The following SPATA17 variants were observed in gnomAD, a reference collection of about 807,000 sequenced individuals.
The protein encoded by SPATA17 is spermatogenesis associated 17.
Under a neutral mutation model 62.2 loss-of-function variants are expected in SPATA17, and 53 were observed. The ratio of observed to expected loss-of-function variants is 0.85; its 90% CI spans 0.68 to 1.07. The LOEUF (loss-of-function observed/expected upper bound fraction) is 1.07. Ranked by LOEUF, SPATA17 falls within the 50% of genes least tolerant of loss-of-function variation. The probability of loss-of-function intolerance (pLI) is 0.00; values close to 1 mark genes in which losing one functional copy is unlikely to be tolerated. For synonymous variants in SPATA17, 146 were observed against 146.8 expected (o/e 0.99, Z 0.04); for missense variants, 466 against 425.5 (o/e 1.10, Z -0.84).
chr1:217,701,097 G>C (rs61827797), intron 5 of SPATA17, among the ~76,000 whole-genome samples: 38,041 of 150,788 alleles, frequency 0.25, 5,243 homozygotes, highest in African/African-American at 0.36. Flanking sequence ...GTCTTAGCCT[G>C]CCGAGTAGCT....
chr1:217,706,094 C>A (rs755629080), intron 5 of SPATA17, among the ~76,000 whole-genome samples: 3 of 152,146 alleles, frequency 2.0e-5, no homozygotes, highest in African/African-American at 7.2e-5. Context: ...CACTACCATG[C>A]TGTTTTGGTT....
At chr1:217,660,435 G>A (rs567038952) in intron 3 of SPATA17, among the ~76,000 whole-genome samples, 6 of 152,214 alleles carry the variant, frequency 3.9e-5, no homozygotes, top group African/African-American at 4.8e-5. Flanking sequence ...TGATTCACAG[G>A]GATACAAGTT....
At position 217,811,316 on chromosome 1, in the gene SPATA17, C is replaced by T. The variant is rs942653886; in HGVS notation, c.1005+9466C>T. ...GTGCTGGGATTACAGGCGTGAGCCA[C>T]CACACCCAGAGATTGTAGGTATTCT... On this transcript the variant is annotated intron_variant, in intron 9 of 10. Coordinates refer to ENST00000366933, the MANE Select transcript of SPATA17 (RefSeq NM_138796.4). Among the ~76,000 whole-genome samples the T allele has an allele frequency of 3.3e-5, 5 of 152,282 alleles. 1 individual carries two copies.
chr1:217,839,940 A>G (rs1189839493), intron 9 of SPATA17, among the ~76,000 whole-genome samples: 1 of 152,142 alleles, frequency 6.6e-6, no homozygotes, highest in African/African-American at 2.4e-5. Flanking sequence ...ATAGATTTCC[A>G]GTGAAGTTGC....
At chr1:217,639,748 G>T (rs1006592629) in intron 1 of SPATA17, among the ~76,000 whole-genome samples, 3 of 152,052 alleles carry the variant, frequency 2.0e-5, no homozygotes, top group Admixed American at 6.6e-5. Context: ...CAATAGTCTT[G>T]CTATAATAAT....
chr1:217,858,745 T>C (rs995570199), intron 9 of SPATA17, among the ~76,000 whole-genome samples: 3 of 152,062 alleles, frequency 2.0e-5, no homozygotes, highest in South Asian at 4.1e-4. Context: ...AAAATAAAAT[T>C]ATAGCCGGGC....
intron 5 of SPATA17, among the ~76,000 whole-genome samples, chr1:217,714,896 A>C (rs189264414): frequency 1.3e-5 from 2 of 152,302 alleles, no homozygotes; most frequent in African/African-American, 4.8e-5. Flanking sequence ...TCTGCATTTG[A>C]TGAGGAATTA....
At chr1:217,808,951 A>G (rs1041384018) in intron 9 of SPATA17, among the ~76,000 whole-genome samples, 6 of 152,154 alleles carry the variant, frequency 3.9e-5, no homozygotes, top group Admixed American at 1.3e-4. Flanking sequence ...TGCCTGCAAC[A>G]TAAAGGGAAA....
At chr1:217,739,596 T>C (rs1672582560) in intron 5 of SPATA17, 1 of 152,146 alleles carries the variant, frequency 6.6e-6, no homozygotes, top group South Asian at 2.1e-4. Context: ...ATAGGTAATT[T>C]TTATAATTTT....
chr1:217,701,780 T>C (rs1159340412), intron 5 of SPATA17, among the ~76,000 whole-genome samples: 3 of 152,182 alleles, frequency 2.0e-5, no homozygotes, highest in African/African-American at 7.2e-5. Context: ...CATCTATTAT[T>C]TTCTTTATAC....
intron 5 of SPATA17, among the ~76,000 whole-genome samples, chr1:217,730,467 C>T (rs759070723): frequency 2.6e-5 from 4 of 152,022 alleles, no homozygotes; most frequent in Non-Finnish European, 5.9e-5. Context: ...TCTATCTATA[C>T]ACCTTGGCCT....
At chr1:217,772,463 A>C (rs2102970796) in intron 6 of SPATA17, among the ~76,000 whole-genome samples, 1 of 152,332 alleles carries the variant, frequency 6.6e-6, no homozygotes, top group Non-Finnish European at 1.5e-5. Context: ...AAAAATAGAA[A>C]AATTTGAGTT....
At chr1:217,866,415 C>T (rs2103018418) in intron 10 of SPATA17, 1 of 152,238 alleles carries the variant, frequency 6.6e-6, no homozygotes, top group Non-Finnish European at 1.5e-5. Context: ...TCTAGTGGCA[C>T]ACATAATCAA....
chr1:217,730,400 A>G (rs1672377197), intron 5 of SPATA17, among the ~76,000 whole-genome samples: 1 of 151,978 alleles, frequency 6.6e-6, no homozygotes, highest in Non-Finnish European at 1.5e-5. Context: ...TATTTTTAGT[A>G]GAGACAGGGT....
At chr1:217,721,419 C>A (rs907476341) in intron 5 of SPATA17, among the ~76,000 whole-genome samples, 1 of 152,112 alleles carries the variant, frequency 6.6e-6, no homozygotes, top group South Asian at 2.1e-4. Flanking sequence ...AGGAGTTCTG[C>A]TGGCATCTGC....
rs374090994 is a variant in SPATA17 at position 217,663,724 on chromosome 1, GT to G, written c.241-5307del. 2.9e-4 allele frequency among the ~76,000 whole-genome samples: 44 copies of G among 152,044 alleles called. 1 individual carries two copies. In the East Asian group the frequency reaches 8.5e-3, roughly 29 times the overall value. ...TTTTTCAATCTAGCAAATGATGCCA[GT>G]TGATCTCATCGTGTCATCTAGATAA... is the stretch of plus-strand genomic sequence containing the variant. On this transcript the variant is annotated intron_variant, in intron 3 of 10. Coordinates refer to ENST00000366933, the MANE Select transcript of SPATA17 (RefSeq NM_138796.4).
At chr1:217,854,899 T>A (rs1675746785) in intron 9 of SPATA17, among the ~76,000 whole-genome samples, 1 of 152,182 alleles carries the variant, frequency 6.6e-6, no homozygotes, top group South Asian at 2.1e-4. Flanking sequence ...ATTTAGTCAT[T>A]CTTTCAGCTA....
chr1:217,701,138 C>T (rs554998105), intron 5 of SPATA17, among the ~76,000 whole-genome samples: 1 of 148,448 alleles, frequency 6.7e-6, no homozygotes, highest in South Asian at 2.2e-4. Context: ...CCACGCCTAG[C>T]TAGTTTTTGT....
intron 9 of SPATA17, among the ~76,000 whole-genome samples, chr1:217,819,495 C>T (rs1273777968): frequency 6.6e-6 from 1 of 151,910 alleles, no homozygotes; most frequent in Non-Finnish European, 1.5e-5. Context: ...ATGCCATGAA[C>T]TATCAAGTCA....
Sources: allele counts gnomAD v4.1 joint callset (sites outside exome capture counted in the v4.1 genomes callset), GRCh38; gene constraint gnomAD v4.1.1; transcripts MANE v1.5; gene names NCBI Gene and HGNC (gene_info 2026-07-23, HGNC 2026-07-21).